PXMP4: variants seen among roughly 807,000 people sequenced by gnomAD.
PXMP4 encodes the protein peroxisomal membrane protein 4, also known as 24 kDa peroxisomal intrinsic membrane protein.
Under a neutral mutation model 21.6 loss-of-function variants are expected in PXMP4, and 16 were observed. That is an observed-to-expected ratio of 0.74 (90% CI 0.50 to 1.13). The LOEUF is 1.13. PXMP4 is among the 50% of genes most tolerant of loss of function. The probability of loss-of-function intolerance (pLI) is 0.00; values close to 1 mark genes in which losing one functional copy is unlikely to be tolerated. For missense variants in PXMP4, 240 were observed against 277.7 expected (o/e 0.86, Z 0.96); for synonymous variants, 127 against 123.8 (o/e 1.03, Z -0.17).
Position 33,707,815 on chromosome 20 carries a change from G to T in PXMP4, c.530C>A (p.Thr177Asn), listed in dbSNP as rs931509155. Residue 177 changes from threonine to asparagine, a missense_variant, in exon 4 of 4, where the codon ACC becomes AAC. Coordinates refer to ENST00000409299, the MANE Select transcript of PXMP4 (RefSeq NM_007238.5). ...GGAGGACTGCAGCGAGGGCTGCAGG[G>T]TGGATCGGTGATACTCAAAGAGCCA... ...VLWLFEYHRS[T>N]LQPSLQSSMT... 3.1e-6 allele frequency: 5 copies of T among 1,614,190 alleles called. No homozygotes were observed. Among genetic ancestry groups the T allele is most frequent in the Admixed American group, 1.7e-5 (1 of 60,010 alleles).
In PXMP4 at chr20:33,704,952, G is replaced by A. The variant is rs6059418; in HGVS notation, c.*2754C>T. On this transcript the variant is annotated 3_prime_UTR_variant, in exon 4 of 4. Coordinates refer to ENST00000409299, the MANE Select transcript of PXMP4 (RefSeq NM_007238.5). ...TCTCAAATTGGTAGCCCATGGACCA[G>A]ATTTTCCTGGAGACTTGTTTGATTT... The A allele has an allele frequency of 0.57, 85,675 of 149,694 alleles. 25,702 individuals are homozygous for A. The highest frequency in any genetic ancestry group is 0.8 in the East Asian group (4,085 of 5,084). 9.3% of individuals were successfully genotyped at this position (149,694 alleles called of 1,614,324 possible).
intron 1 of PXMP4, among the ~76,000 whole-genome samples, chr20:33,717,868 A>G (rs1397597048): frequency 2.0e-5 from 3 of 152,110 alleles, no homozygotes; most frequent in African/African-American, 4.8e-5. Flanking sequence ...ATGTTTTGCT[A>G]TGTGAGCTTG....
In PXMP4 at chr20:33,714,594, T is replaced by C. The variant is rs867384506; in HGVS notation, c.176+80A>G. 2.6e-5 allele frequency: 36 copies of C among 1,388,084 alleles called. No individual in the cohort carries two copies. In the Middle Eastern group the frequency reaches 2.7e-3, roughly 105 times the overall value. 86.0% of individuals were successfully genotyped at this position (1,388,084 alleles called of 1,614,324 possible). A position where few individuals can be genotyped will look rare whatever the true frequency, so the allele number is the denominator to read the frequency against. ...TAGAAGGCGTGATGGGGGGACAGGG[T>C]AGACCCAGCTAAGAAGCTATTACGA... On this transcript the variant is annotated intron_variant, in intron 2 of 3. Coordinates refer to ENST00000409299, the MANE Select transcript of PXMP4 (RefSeq NM_007238.5).
In PXMP4 at chr20:33,705,067, C is replaced by T. The variant is rs1481246535; in HGVS notation, c.*2639G>A. On this transcript the variant is annotated 3_prime_UTR_variant, in exon 4 of 4. Coordinates refer to ENST00000409299, the MANE Select transcript of PXMP4 (RefSeq NM_007238.5). ...CTGAAGTGTAATGGAACTATCTCGG[C>T]TCACAGCAGCCCCCCAGGTTCAAGA... 3 of 146,976 alleles carry T rather than the reference C, an allele frequency of 2.0e-5. No homozygotes were observed. Among genetic ancestry groups the T allele is most frequent in the African/African-American group, 5.1e-5 (2 of 39,524 alleles). The allele number at this position is 146,976 out of a possible 1,614,324, so 9.1% of individuals were successfully genotyped here. A position where few individuals can be genotyped will look rare whatever the true frequency, so the allele number is the denominator to read the frequency against.
Position 33,710,627 on chromosome 20 carries a change from T to C in PXMP4, c.303A>G (p.Pro101=). 6.2e-7 allele frequency: 1 copy of C among 1,613,992 alleles called. No individual in the cohort carries two copies. Residue 101 remains proline, a synonymous_variant, in exon 3 of 4, where the codon CCA becomes CCG. Coordinates refer to ENST00000409299, the MANE Select transcript of PXMP4 (RefSeq NM_007238.5). The part of the protein sequence containing the change: ...LQSYIQGKTY[P]AHAFLAAFLG... ...GGAAGGCCGCCAGGAATGCGTGTGCTGGGTAGGTCTTGCCTTGTATGTAGG... is the reference window on the plus strand; with the variant it reads ...GGAAGGCCGCCAGGAATGCGTGTGCCGGGTAGGTCTTGCCTTGTATGTAGG...
In PXMP4 at chr20:33,707,874, C is replaced by A. The variant is rs551682855; in HGVS notation, c.471G>T (p.Pro157=). The A allele has an allele frequency of 6.2e-7, 1 of 1,614,110 alleles. No individual in the cohort carries two copies. Among genetic ancestry groups the A allele is most frequent in the South Asian group, 1.1e-5 (1 of 91,072 alleles). The change falls in exon 4 of 4, where the codon CCG becomes CCT. Residue 157 remains proline (P), a synonymous_variant. Transcript: ENST00000409299. ...YIPEPRWDPF[P]LLTAVVWGLV... ...GCCCCCACACCACCGCAGTGAGCAG[C>A]GGGAACGGGTCCCACCTGGGTTCAG...
In PXMP4 at chr20:33,718,975, A is replaced by C. The variant is rs138410024; in HGVS notation, c.113+1120T>G. ...CAGTGGCACAATCTCAGCTCACTGC[A>C]ACCTCCACCTCCTGGGTTCAAGCGG... On this transcript the variant is annotated intron_variant, in intron 1 of 3. Transcript: ENST00000409299. Among the ~76,000 whole-genome samples, 1,133 of 152,282 alleles carry C rather than the reference A, an allele frequency of 7.4e-3. 9 individuals carry two copies. Among genetic ancestry groups the C allele is most frequent in the African/African-American group, 0.026 (1,062 of 41,562 alleles).
chr20:33,715,806 C>G (rs1183472511), intron 1 of PXMP4, among the ~76,000 whole-genome samples: 2 of 150,776 alleles, frequency 1.3e-5, no homozygotes, highest in East Asian at 3.9e-4. Flanking sequence ...ATTGCTCCCT[C>G]TGCTCCATCC....
intron 1 of PXMP4, among the ~76,000 whole-genome samples, chr20:33,719,277 T>A (rs1426840780): frequency 9.2e-5 from 14 of 152,168 alleles, no homozygotes. Flanking sequence ...ATATTGAGGC[T>A]TAGAGAGGCT....
chr20:33,709,982 C>T (rs552469338), intron 3 of PXMP4, among the ~76,000 whole-genome samples: 30 of 147,960 alleles, frequency 2.0e-4, no homozygotes, highest in Admixed American at 3.4e-4. Context: ...AGAACCACGC[C>T]CTTCTGCCAC....
In PXMP4 at chr20:33,707,823, G is replaced by A; in HGVS notation, c.522C>T (p.His174=). 1 of 1,614,154 alleles carries A rather than the reference G, an allele frequency of 6.2e-7. No homozygotes were observed. The highest frequency in any genetic ancestry group is 8.5e-7 in the Non-Finnish European group (1 of 1,180,044). Residue 174 remains histidine, a synonymous_variant, in exon 4 of 4, where the codon CAC becomes CAT. Coordinates refer to ENST00000409299, the MANE Select transcript of PXMP4 (RefSeq NM_007238.5). ...GCAGCGAGGGCTGCAGGGTGGATCG[G>A]TGATACTCAAAGAGCCACAGCACCA... ...WGLVLWLFEY[H]RSTLQPSLQS...
chr20:33,704,322 G>A lies in PXMP4; in HGVS notation c.*3384C>T, dbSNP rs572590409. On this transcript the variant is annotated 3_prime_UTR_variant, in exon 4 of 4. Coordinates refer to ENST00000409299, the MANE Select transcript of PXMP4 (RefSeq NM_007238.5). The stretch of plus-strand genomic sequence containing the variant: ...CATGCAACCTAGATCCCTTGCATGC[G>A]CAGTTCACAATAGGGTTTGCATTCC... The A allele has an allele frequency of 1.2e-3, 187 of 152,840 alleles. No individual in the cohort carries two copies. The highest frequency in any genetic ancestry group is 4.2e-3 in the African/African-American group (176 of 41,532). The allele number at this position is 152,840 out of a possible 1,614,324, so 9.5% of individuals were successfully genotyped here.
rs147675500 is a variant in PXMP4 at position 33,707,895 on chromosome 20, T to G, written c.450A>C (p.Glu150Asp). 1 of 1,613,966 alleles carries G rather than the reference T, an allele frequency of 6.2e-7. No individual in the cohort carries two copies. The highest frequency in any genetic ancestry group is 8.5e-7 in the Non-Finnish European group (1 of 1,179,990). ...GCAGCGGGAACGGGTCCCACCTGGG[T>G]TCAGGGATGTAGCCCTTCTCTACAG... ...RLAVEKGYIP[E>D]PRWDPFPLLT... Residue 150 changes from glutamate (E) to aspartate (D), a missense_variant, in exon 4 of 4, where the codon GAA becomes GAC. Physicochemically the swap from Glu to Asp is conservative, Grantham distance 45 (BLOSUM62 2). Coordinates refer to ENST00000409299, the MANE Select transcript of PXMP4 (RefSeq NM_007238.5).
In PXMP4 at chr20:33,718,529, A is replaced by C. The variant is rs2122595037; in HGVS notation, c.113+1566T>G. Among the ~76,000 whole-genome samples, 5 of 150,874 alleles carry C rather than the reference A, an allele frequency of 3.3e-5. No individual in the cohort carries two copies. The East Asian group carries it at 9.7e-4, about 29-fold the overall frequency. On this transcript the variant is annotated intron_variant, in intron 1 of 3. Transcript: ENST00000409299. ...CCATCTCAAAAAAAAAAAAAAAAAA[A>C]AAAAAAAAAAACTTGGCAAAAGGGT...
At chr20:33,718,943 TGGAGTG>T (rs766982759) in intron 1 of PXMP4, among the ~76,000 whole-genome samples, 2 of 152,230 alleles carry the variant, frequency 1.3e-5, no homozygotes, top group Non-Finnish European at 2.9e-5. Context: ...TCACCCAGGC[TGGAGTG>T]CAGTGGCACA....
At position 33,706,413 on chromosome 20, in the gene PXMP4, G is replaced by A. The variant is rs1309810142; in HGVS notation, c.*1293C>T. 2.6e-5 allele frequency: 4 copies of A among 151,550 alleles called. No homozygotes were observed. The highest frequency in any genetic ancestry group is 2.0e-4 in the East Asian group (1 of 5,108). 9.4% of individuals were successfully genotyped at this position (151,550 alleles called of 1,614,324 possible). A position where few individuals can be genotyped will look rare whatever the true frequency, so the allele number is the denominator to read the frequency against. ...TCGAGACTAGCCCTAGTGACAGAGC[G>A]AGACCCTGTCGCTACTTAAAAAAAA... On this transcript the variant is annotated 3_prime_UTR_variant, in exon 4 of 4. Transcript: ENST00000409299.
rs1158953399 is a variant in PXMP4 at position 33,705,751 on chromosome 20, T to G, written c.*1955A>C. On this transcript the variant is annotated 3_prime_UTR_variant, in exon 4 of 4. Transcript: ENST00000409299. ...CCCCTTTCTGGCCCATATCCTATAA[T>G]GAGCTAACATTTGCATAGCATGGCT... 6.6e-6 allele frequency: 1 copy of G among 152,168 alleles called. No homozygotes were observed. Among genetic ancestry groups the G allele is most frequent in the African/African-American group, 2.4e-5 (1 of 41,456 alleles). 9.4% of individuals were successfully genotyped at this position (152,168 alleles called of 1,614,324 possible). A position where few individuals can be genotyped will look rare whatever the true frequency, so the allele number is the denominator to read the frequency against.
chr20:33,709,121 C>T (rs2018295004), intron 3 of PXMP4, among the ~76,000 whole-genome samples: 1 of 152,010 alleles, frequency 6.6e-6, no homozygotes, highest in Non-Finnish European at 1.5e-5. Context: ...ATGGTGAAAC[C>T]CCATCTCTAC....
At chr20:33,713,524 C>T (rs2018353758) in intron 2 of PXMP4, among the ~76,000 whole-genome samples, 1 of 152,172 alleles carries the variant, frequency 6.6e-6, no homozygotes, top group African/African-American at 2.4e-5. Flanking sequence ...TAACATACCA[C>T]AGACTCTCCT....
Sources: gnomAD v4.1 joint callset for allele counts (sites outside exome capture counted in the v4.1 genomes callset) on GRCh38, gnomAD v4.1.1 for gene constraint, MANE v1.5 for transcripts, NCBI Gene and HGNC (gene_info 2026-07-23, HGNC 2026-07-21) for gene names.